Variants in KCNG3 observed in about 807,000 individuals in gnomAD.
KCNG3 encodes the protein potassium voltage-gated channel modifier subfamily G member 3.
Under a neutral mutation model 29.0 loss-of-function variants are expected in KCNG3, and 15 were observed. The observed-to-expected ratio is 0.52, with a 90% CI of 0.35 to 0.80. The LOEUF is 0.80. KCNG3 is among the 30% of genes least tolerant of loss of function. The pLI is 0.01. For synonymous variants in KCNG3, 322 were observed against 248.9 expected (o/e 1.29, Z -2.76); for missense variants, 512 against 605.7 (o/e 0.85, Z 1.62).
intron 1 of KCNG3, among the ~76,000 whole-genome samples, chr2:42,477,109 G>A (rs1191455068): frequency 6.7e-6 from 1 of 149,996 alleles, no homozygotes; most frequent in East Asian, 2.1e-4. Flanking sequence ...GGAGAATGGT[G>A]TGAACCCGGG....
chr2:42,461,478 T>C (rs1673015972), intron 1 of KCNG3, among the ~76,000 whole-genome samples: 1 of 152,098 alleles, frequency 6.6e-6, no homozygotes, highest in Non-Finnish European at 1.5e-5. Context: ...ACTACCATGC[T>C]GTAGAGGACA....
the KCNG3 span, among the ~76,000 whole-genome samples, chr2:42,397,276 G>GA: frequency 6.6e-6 from 1 of 151,606 alleles, no homozygotes; most frequent in Non-Finnish European, 1.5e-5. Flanking sequence ...AAAGCAATGA[G>GA]AAAAAACTCT....
chr2:42,402,312 G>C, the KCNG3 span, among the ~76,000 whole-genome samples: 145 of 152,354 alleles, frequency 9.5e-4, no homozygotes, highest in Non-Finnish European at 1.8e-3. Context: ...ATATGAGCCA[G>C]TTCCCTAAAT....
the KCNG3 span, among the ~76,000 whole-genome samples, chr2:42,428,301 A>C: frequency 6.6e-6 from 1 of 151,912 alleles, no homozygotes; most frequent in African/African-American, 2.4e-5. Context: ...CTCCATTAAA[A>C]ATACAAAAAT....
At chr2:42,460,651 C>G (rs897044179) in intron 1 of KCNG3, among the ~76,000 whole-genome samples, 12 of 152,194 alleles carry the variant, frequency 7.9e-5, no homozygotes, top group Admixed American at 7.9e-4. Context: ...GTGCCAGATA[C>G]CTGATGAAGT....
At chr2:42,472,472 G>A (rs1299296968) in intron 1 of KCNG3, among the ~76,000 whole-genome samples, 1 of 151,896 alleles carries the variant, frequency 6.6e-6, no homozygotes, top group Non-Finnish European at 1.5e-5. Flanking sequence ...GGATTTCAAT[G>A]GGAAAGAGGC....
At chr2:42,492,432 A>G (rs1185844002) in intron 1 of KCNG3, among the ~76,000 whole-genome samples, 1 of 152,270 alleles carries the variant, frequency 6.6e-6, no homozygotes, top group African/African-American at 2.4e-5. Flanking sequence ...CTTTCCAAAC[A>G]CTACCAAAAA....
chr2:42,447,337 T>C (rs1381871244), intron 1 of KCNG3, among the ~76,000 whole-genome samples: 2 of 151,972 alleles, frequency 1.3e-5, no homozygotes, highest in African/African-American at 2.4e-5. Flanking sequence ...TTTACACAAA[T>C]AGTAGCATGT....
chr2:42,446,611 A>C (rs544213961), intron 1 of KCNG3, among the ~76,000 whole-genome samples: 9 of 152,342 alleles, frequency 5.9e-5, no homozygotes, highest in African/African-American at 1.9e-4. Context: ...AAACTGGAGT[A>C]AGTGGGAGGA....
chr2:42,487,195 TCATTATG>T (rs1328146330), intron 1 of KCNG3, among the ~76,000 whole-genome samples: 2 of 151,346 alleles, frequency 1.3e-5, no homozygotes, highest in Admixed American at 6.6e-5. Context: ...TTTTTTTTAA[TCATTATG>T]CATTTTTGCT....
the KCNG3 span, among the ~76,000 whole-genome samples, chr2:42,403,448 TTTCTG>T: frequency 6.6e-6 from 1 of 150,928 alleles, no homozygotes; most frequent in Non-Finnish European, 1.5e-5. Context: ...TGGCTTATTG[TTTCTG>T]TTCTAATTGG....
At chr2:42,472,832 A>G (rs577696224) in intron 1 of KCNG3, among the ~76,000 whole-genome samples, 1 of 148,752 alleles carries the variant, frequency 6.7e-6, no homozygotes, top group South Asian at 2.1e-4. Flanking sequence ...AGATATCTAT[A>G]TATAGATATC....
At chr2:42,468,740 G>A (rs74782153) in intron 1 of KCNG3, among the ~76,000 whole-genome samples, 39,389 of 151,394 alleles carry the variant, frequency 0.26, 5,760 homozygotes, top group East Asian at 0.57. Context: ...GGATCACGAA[G>A]TCAGGAGTTC....
At chr2:42,453,132 G>C (rs1012590146) in intron 1 of KCNG3, among the ~76,000 whole-genome samples, 2 of 152,134 alleles carry the variant, frequency 1.3e-5, no homozygotes, top group African/African-American at 2.4e-5. Flanking sequence ...TGGCTAACAT[G>C]AATAGTGCTG....
intron 1 of KCNG3, among the ~76,000 whole-genome samples, chr2:42,459,089 G>A (rs1167985341): frequency 1.3e-5 from 2 of 151,910 alleles, no homozygotes; most frequent in African/African-American, 2.4e-5. Context: ...CCAGATACTC[G>A]GGAGGCTTAG....
intron 1 of KCNG3, among the ~76,000 whole-genome samples, chr2:42,486,136 G>A (rs963810373): frequency 6.6e-6 from 1 of 152,212 alleles, no homozygotes; most frequent in African/African-American, 2.4e-5. Flanking sequence ...TGTAGAAAAA[G>A]AACTGGATTC....
chr2:42,464,745 G>C (rs546306151), intron 1 of KCNG3, among the ~76,000 whole-genome samples: 98 of 152,206 alleles, frequency 6.4e-4, no homozygotes, highest in Non-Finnish European at 9.9e-4. Flanking sequence ...CACCACCCCA[G>C]GGAATCCTTA....
At chr2:42,489,097 C>T (rs1051483499) in intron 1 of KCNG3, among the ~76,000 whole-genome samples, 2 of 151,360 alleles carry the variant, frequency 1.3e-5, no homozygotes, top group Admixed American at 6.6e-5. Flanking sequence ...GAGTTCACAA[C>T]AGGCCTGGGC....
chr2:42,492,413 A>T (rs1488723449), intron 1 of KCNG3, among the ~76,000 whole-genome samples: 1 of 152,260 alleles, frequency 6.6e-6, no homozygotes, highest in South Asian at 2.1e-4. Context: ...CACCATAACA[A>T]GAATCCATCT....
Sources: gnomAD v4.1 joint callset for allele counts (sites outside exome capture counted in the v4.1 genomes callset) on GRCh38, gnomAD v4.1.1 for gene constraint, MANE v1.5 for transcripts, NCBI Gene and HGNC (gene_info 2026-07-23, HGNC 2026-07-21) for gene names.